Variants in MGAT5 observed in about 807,000 individuals in gnomAD.
MGAT5 encodes alpha-1,6-mannosylglycoprotein 6-beta-N-acetylglucosaminyltransferase A.
A neutral mutation model predicts 94.3 loss-of-function variants in MGAT5; 30 were observed. The ratio of observed to expected loss-of-function variants is 0.32; its 90% confidence interval spans 0.24 to 0.43. The LOEUF is 0.43. MGAT5 is among the 20% of genes least tolerant of loss of function. MGAT5 has a pLI of 1.00. For synonymous variants in MGAT5, 310 were observed against 322.9 expected, an observed-to-expected ratio of 0.96 and a Z score of 0.43; for missense variants, 691 against 905.5, an observed-to-expected ratio of 0.76 and a Z score of 3.04.
At chr2:134,386,871 T>G (rs1682013732) in intron 10 of MGAT5, among the ~76,000 whole-genome samples, 1 of 152,194 alleles carries the variant, frequency 6.6e-6, no homozygotes, top group African/African-American at 2.4e-5. Flanking sequence ...ATATATGGGA[T>G]ATCTCAAAAT....
intron 9 of MGAT5, among the ~76,000 whole-genome samples, chr2:134,354,089 A>G (rs1420285272): frequency 6.6e-6 from 1 of 152,196 alleles, no homozygotes; most frequent in East Asian, 1.9e-4. Context: ...GAAGAGAAAT[A>G]CCGTTCCTTT....
chr2:134,121,136 T>C (rs1053821053), intron 1 of MGAT5, among the ~76,000 whole-genome samples: 1 of 152,176 alleles, frequency 6.6e-6, no homozygotes, highest in Non-Finnish European at 1.5e-5. Context: ...CCTGTGGCTC[T>C]TTCGCGCCCC....
chr2:134,176,871 A>T (rs1297665306), intron 1 of MGAT5, among the ~76,000 whole-genome samples: 1 of 152,096 alleles, frequency 6.6e-6, no homozygotes, highest in Non-Finnish European at 1.5e-5. Flanking sequence ...GGATGCCTGG[A>T]GGCCCACCTT....
chr2:134,338,766 T>A (rs1301959858), intron 6 of MGAT5, among the ~76,000 whole-genome samples: 1 of 152,204 alleles, frequency 6.6e-6, no homozygotes, highest in African/African-American at 2.4e-5. Context: ...GAAAATTTTG[T>A]ATTTTTGTTG....
chr2:134,195,075 C>G (rs1679432591), intron 1 of MGAT5, among the ~76,000 whole-genome samples: 1 of 152,014 alleles, frequency 6.6e-6, no homozygotes, highest in Admixed American at 6.6e-5. Context: ...CTCAAATATC[C>G]CCCAGAACAC....
chr2:134,412,397 C>A (rs1683720822), intron 11 of MGAT5, among the ~76,000 whole-genome samples: 1 of 152,168 alleles, frequency 6.6e-6, no homozygotes, highest in Admixed American at 6.5e-5. Flanking sequence ...AATCAAACCT[C>A]CAAGTGACCT....
At chr2:134,147,606 A>AG (rs200933724) in intron 1 of MGAT5, among the ~76,000 whole-genome samples, 28,230 of 150,852 alleles carry the variant, frequency 0.19, 2,775 homozygotes, top group South Asian at 0.23. Flanking sequence ...AAAAAAAAAA[A>AG]AAAAGAAAAG....
At chr2:134,436,959 A>C (rs964278740) in intron 14 of MGAT5, among the ~76,000 whole-genome samples, 6 of 152,172 alleles carry the variant, frequency 3.9e-5, no homozygotes, top group African/African-American at 1.2e-4. Context: ...CCTCCTTGTC[A>C]AACAAAGCAA....
Position 134,299,849 on chromosome 2 carries a change from C to G in MGAT5, c.407-17680C>G, listed in dbSNP as rs533159967. On this transcript the variant is annotated intron_variant, in intron 2 of 15. Transcript: ENST00000281923. The stretch of plus-strand genomic sequence containing the variant: ...GCAAACACCCACCCTTGGATCTTCC[C>G]TGGAACACACAAACCTTGCTGCTGC... Among the ~76,000 whole-genome samples the G allele has an allele frequency of 2.6e-5, 4 of 152,284 alleles. No homozygotes were observed. The South Asian group carries it at 8.3e-4, about 32-fold the overall frequency.
intron 1 of MGAT5, among the ~76,000 whole-genome samples, chr2:134,143,984 TG>T (rs143608416): frequency 0.017 from 2,573 of 151,948 alleles, 80 homozygotes; most frequent in African/African-American, 0.059. Flanking sequence ...AAGGCTATGC[TG>T]GGGGAGGAAA....
chr2:134,185,531 A>G (rs1455486739), intron 1 of MGAT5, among the ~76,000 whole-genome samples: 1 of 152,184 alleles, frequency 6.6e-6, no homozygotes, highest in African/African-American at 2.4e-5. Context: ...TTACGTGATT[A>G]CTGTGCAGCC....
chr2:134,131,161 A>C (rs1326721556), intron 1 of MGAT5, among the ~76,000 whole-genome samples: 1 of 152,240 alleles, frequency 6.6e-6, no homozygotes, highest in African/African-American at 2.4e-5. Flanking sequence ...CAGCGAGCTC[A>C]CAAACCCACC....
rs115022265 is a variant in MGAT5, at chr2:134,377,245, A to G, written c.1380+14837A>G. On this transcript the variant is annotated intron_variant, in intron 10 of 15. Transcript: ENST00000281923. ...CTGGATGTCTGCAAAGACCCAGGCC[A>G]CTTTGGTCTCTCCTTTGGCATCCCT... is the stretch of plus-strand genomic sequence containing the variant. Among the ~76,000 whole-genome samples the G allele has an allele frequency of 7.7e-3, 1,174 of 152,316 alleles. 14 individuals are homozygous for G. Among genetic ancestry groups the G allele is most frequent in the African/African-American group, 0.027 (1,107 of 41,576 alleles).
chr2:134,289,130 C>G (rs978237636), intron 2 of MGAT5, among the ~76,000 whole-genome samples: 2 of 152,096 alleles, frequency 1.3e-5, no homozygotes, highest in African/African-American at 4.8e-5. Context: ...TCTTCAAGAC[C>G]CAGACTTACT....
chr2:134,346,768 C>T (rs1360328515), intron 8 of MGAT5, among the ~76,000 whole-genome samples: 1 of 152,166 alleles, frequency 6.6e-6, no homozygotes, highest in African/African-American at 2.4e-5. Context: ...CTACACACAA[C>T]TAGTATTCTG....
chr2:134,332,284 C>T (rs1288482321), intron 4 of MGAT5, among the ~76,000 whole-genome samples: 1 of 151,996 alleles, frequency 6.6e-6, no homozygotes, highest in Non-Finnish European at 1.5e-5. Context: ...AATAATGCCA[C>T]ATATCTACAA....
chr2:134,247,658 T>C (rs1682362380), intron 1 of MGAT5, among the ~76,000 whole-genome samples: 1 of 152,248 alleles, frequency 6.6e-6, no homozygotes, highest in African/African-American at 2.4e-5. Context: ...TGATGTTCTT[T>C]GGAGCACAGT....
chr2:134,167,296 C>G (rs1484647938), intron 1 of MGAT5, among the ~76,000 whole-genome samples: 1 of 152,156 alleles, frequency 6.6e-6, no homozygotes, highest in Non-Finnish European at 1.5e-5. Flanking sequence ...TGACATCATC[C>G]TATAGCAGGT....
intron 1 of MGAT5, among the ~76,000 whole-genome samples, chr2:134,216,961 A>C (rs1000304670): frequency 2.6e-5 from 4 of 152,170 alleles, no homozygotes; most frequent in African/African-American, 9.7e-5. Flanking sequence ...TGGGCTTGGC[A>C]GAAGACTATC....
Sources: allele counts gnomAD v4.1 joint callset (sites outside exome capture counted in the v4.1 genomes callset), GRCh38; gene constraint gnomAD v4.1.1; transcripts MANE v1.5; gene names NCBI Gene and HGNC (gene_info 2026-07-23, HGNC 2026-07-21).